STXBP2: variants seen among roughly 807,000 people sequenced by gnomAD.
STXBP2 encodes syntaxin-binding protein 2.
In STXBP2, 47 loss-of-function variants were observed where a neutral mutation model predicts 72.2. The ratio of observed to expected loss-of-function variants is 0.65; its 90% CI spans 0.51 to 0.83. The LOEUF is 0.83. Among genes scored for constraint, STXBP2 ranks in the 40% least tolerant of loss-of-function variants. The probability of loss-of-function intolerance (pLI) is 0.00; values close to 1 mark genes in which losing one functional copy is unlikely to be tolerated. For missense variants in STXBP2, 702 were observed against 807.6 expected, an observed-to-expected ratio of 0.87 and a Z score of 1.58; for synonymous variants, 367 against 338.7, an observed-to-expected ratio of 1.08 and a Z score of -0.92.
At chr19:7,631,169 A>G in the STXBP2 span, 2 of 1,161,148 alleles carry the variant, frequency 1.7e-6, no homozygotes, top group Non-Finnish European at 1.2e-6. Context: ...AGATCACGCC[A>G]CTGCACTCCA....
chr19:7,646,939 G>A, intron 16 of STXBP2: 1 of 599,732 alleles, frequency 1.7e-6, no homozygotes, highest in Non-Finnish European at 3.0e-6. Context: ...GGTACCCAAG[G>A]AGTTATGGAA....
chr19:7,639,559 G>C, intron 3 of STXBP2, 172 bp from the exon 4 acceptor site: 1 of 686,388 alleles, frequency 1.5e-6, no homozygotes, highest in Non-Finnish European at 2.6e-6. Context: ...CACAACCCCT[G>C]CAGAACCCTG....
At position 7,647,861 on chromosome 19, in the gene STXBP2, C is replaced by T. The variant is rs754252314; in HGVS notation, c.*51C>T. On this transcript the variant is annotated 3_prime_UTR_variant, in exon 19 of 19. Coordinates refer to ENST00000221283, the MANE Select transcript of STXBP2 (RefSeq NM_006949.4). ...CCTTTCCAGAGAAATAAACTCTTCC[C>T]GTCGCTCTGCCAGCCAGTGCCTACC... 1.4e-5 allele frequency: 21 copies of T among 1,516,342 alleles called. No individual in the cohort carries two copies. Among genetic ancestry groups the T allele is most frequent in the Admixed American group, 3.4e-5 (2 of 59,098 alleles). The allele number at this position is 1,516,342 out of a possible 1,614,324, so 93.9% of individuals were successfully genotyped here. A position where few individuals can be genotyped will look rare whatever the true frequency, so the allele number is the denominator to read the frequency against.
rs1365138433 is a variant in STXBP2, at chr19:7,642,785, A to G, written c.922A>G (p.Arg308Gly). Residue 308 changes from arginine (R) to glycine (G), a missense_variant, in exon 11 of 19, where the codon AGG becomes GGG. Coordinates refer to ENST00000221283, the MANE Select transcript of STXBP2 (RefSeq NM_006949.4). The surrounding 1 kb of genome is among the most constrained non-coding windows in gnomAD (Gnocchi z 6.0). ...GGCCAGGAAGGTCACGGAGCTCCTG[A>G]GGACCTTCTGTGAGAGCAAGAGGCT... ...DVSKKVTELLRTFCESKRLTT... is the reference protein window; with the variant it reads ...DVSKKVTELLGTFCESKRLTT... 5.6e-6 allele frequency: 9 copies of G among 1,613,770 alleles called. No individual in the cohort carries two copies. The highest frequency in any genetic ancestry group is 7.6e-6 in the Non-Finnish European group (9 of 1,179,986).
intron 6 of STXBP2, 47 bp from the exon 7 acceptor site, chr19:7,641,658 T>G (rs1308149669): frequency 6.5e-7 from 1 of 1,548,370 alleles, no homozygotes; most frequent in Admixed American, 2.0e-5. Context: ...GGGGCAGGTG[T>G]GCACCTGCAG....
chr19:7,645,203 G>A lies in STXBP2; in HGVS notation c.1253G>A (p.Ser418Asn), dbSNP rs991821954. The A allele has an allele frequency of 1.7e-5, 27 of 1,561,814 alleles. No homozygotes were observed. Among genetic ancestry groups the A allele is most frequent in the Non-Finnish European group, 2.3e-5 (27 of 1,152,046 alleles). Reference protein sequence around the residue: ...LLYILLRNGVSEENLAKLIQH... With the variant: ...LLYILLRNGVNEENLAKLIQH... ...GCCCATTCCCGTCCCCCAGGTGTGA[G>A]TGAGGAGAACCTGGCCAAGCTGATC... Residue 418 changes from serine to asparagine, a missense_variant, in exon 15 of 19, where the codon AGT (serine) becomes AAT (asparagine). By Grantham distance (46) the Ser-to-Asn change is conservative (BLOSUM62 1). Transcript: ENST00000221283.
chr19:7,646,434 T>C, intron 16 of STXBP2, 90 bp downstream of exon 16: 1 of 1,228,996 alleles, frequency 8.1e-7, no homozygotes, highest in Non-Finnish European at 1.2e-6. Context: ...GCCTCAGGGC[T>C]TAGGGGAAAA....
rs1332613441 is a variant in STXBP2, at chr19:7,641,696, C to T, written c.430-9C>T. 24 of 1,552,182 alleles carry T rather than the reference C, an allele frequency of 1.5e-5. No individual in the cohort carries two copies. Among genetic ancestry groups the T allele is most frequent in the East Asian group, 4.9e-5 (2 of 41,192 alleles). The stretch of plus-strand genomic sequence containing the variant: ...GCAACCCTGGTGCTTCTGTCCCCTC[C>T]TCGCCCAGGTGTTCTCCCTCGATGC... On this transcript the variant is annotated splice_polypyrimidine_tract_variant and intron_variant, in intron 6 of 18. Transcript: ENST00000221283.
In STXBP2 at chr19:7,644,894, C is replaced by T. The variant is rs113485474; in HGVS notation, c.1246+142C>T. On this transcript the variant is annotated intron_variant, in intron 14 of 18. Transcript: ENST00000221283. ...ACCCCCACAGCTACCCCTCTGGACC[C>T]GGGAACCCTCCTCCATTGGCTTGGG... is the stretch of plus-strand genomic sequence containing the variant. 401 of 1,489,876 alleles carry T rather than the reference C, an allele frequency of 2.7e-4. 2 individuals are homozygous for T. The highest frequency in any genetic ancestry group is 2.2e-3 in the Middle Eastern group (11 of 5,100). 92.3% of individuals were successfully genotyped at this position (1,489,876 alleles called of 1,614,324 possible). A position where few individuals can be genotyped will look rare whatever the true frequency, so the allele number is the denominator to read the frequency against.
At chr19:7,638,802 C>G (rs755756024) in intron 2 of STXBP2, 27 bp downstream of exon 2, 12 of 1,613,800 alleles carry the variant, frequency 7.4e-6, no homozygotes, top group Non-Finnish European at 9.3e-6. Flanking sequence ...TGGCTGGGTA[C>G]CCAGAGGCAG....
upstream of STXBP2, among the ~76,000 whole-genome samples, chr19:7,634,325 C>T (rs373786898): frequency 6.6e-6 from 1 of 152,168 alleles, no homozygotes; most frequent in South Asian, 2.1e-4. Flanking sequence ...GACGCCTTTA[C>T]GGAAACCAGT....
rs201135827 is a variant in STXBP2 at position 7,644,679 on chromosome 19, G to T, written c.1173G>T (p.Pro391=). 1 of 1,613,750 alleles carries T rather than the reference G, an allele frequency of 6.2e-7. No individual in the cohort carries two copies. Among genetic ancestry groups the T allele is most frequent in the African/African-American group, 1.3e-5 (1 of 74,982 alleles). Residue 391 remains proline, a synonymous_variant, in exon 14 of 19, where the codon CCG becomes CCT. Transcript: ENST00000221283. ...AGGACTCCATGAAGCTGATCGTTCC[G>T]GTGCTGCTGGACGCGGCGGTGCCCG... ...KIKDSMKLIV[P]VLLDAAVPAY...
At chr19:7,639,954 GTGTGTGC>G in intron 4 of STXBP2, 147 bp downstream of exon 4, 1 of 800,958 alleles carries the variant, frequency 1.2e-6, no homozygotes. Context: ...GTGTGCATGT[GTGTGTGC>G]ATCTGTGTAT....
intron 13 of STXBP2, among the ~76,000 whole-genome samples, chr19:7,644,115 C>T (rs1221116382): frequency 7.5e-6 from 1 of 133,408 alleles, no homozygotes; most frequent in Non-Finnish European, 1.6e-5. Flanking sequence ...AGGGGTGGAG[C>T]CTTGGAGAGG....
At chr19:7,631,468 C>G in the STXBP2 span, 2 of 1,535,730 alleles carry the variant, frequency 1.3e-6, no homozygotes, top group South Asian at 2.4e-5. Flanking sequence ...CTTCTCCACC[C>G]CTAGCTTCAA....
At position 7,643,206 on chromosome 19, in the gene STXBP2, C is replaced by T. The variant is rs376159991; in HGVS notation, c.1068C>T (p.His356=). Residue 356 remains histidine (H), a synonymous_variant, in exon 13 of 19, where the codon CAC becomes CAT. Coordinates refer to ENST00000221283, the MANE Select transcript of STXBP2 (RefSeq NM_006949.4). ...ATCTAGCAGATGATTGTATGAAGCACTTCAAGGGCTCGGTGGAGAAGCTGT... is the reference window on the plus strand; with the variant it reads ...ATCTAGCAGATGATTGTATGAAGCATTTCAAGGGCTCGGTGGAGAAGCTGT... The part of the protein sequence containing the change: ...HLHLADDCMK[H]FKGSVEKLCS... 8.6e-5 allele frequency: 139 copies of T among 1,613,942 alleles called. No individual in the cohort carries two copies. Among genetic ancestry groups the T allele is most frequent in the Non-Finnish European group, 1.1e-4 (126 of 1,180,046 alleles).
chr19:7,633,820 G>A (rs552028258), upstream of STXBP2: 1 of 242,412 alleles, frequency 4.1e-6, no homozygotes, highest in East Asian at 8.1e-5. Flanking sequence ...GCTGGCTTAG[G>A]GAGGACTTGC....
At chr19:7,640,176 CTG>C (rs1568464846) in intron 4 of STXBP2, 3 of 406,938 alleles carry the variant, frequency 7.4e-6, no homozygotes, top group South Asian at 3.6e-5. Flanking sequence ...GTGTGTGCGT[CTG>C]TCTGTGTGCA....
the STXBP2 span, chr19:7,630,909 G>C: frequency 4.6e-6 from 7 of 1,533,920 alleles, no homozygotes; most frequent in Admixed American, 1.4e-4. Context: ...TCCGGGATGG[G>C]TTTTAGATGA....
Sources: allele counts gnomAD v4.1 joint callset (sites outside exome capture counted in the v4.1 genomes callset), GRCh38; gene constraint gnomAD v4.1.1; non-coding constraint Gnocchi (gnomAD v3.1); transcripts MANE v1.5; gene names NCBI Gene and HGNC (gene_info 2026-07-23, HGNC 2026-07-21).